Variants in ZC3H12D observed in about 807,000 individuals in gnomAD.
ZC3H12D encodes the protein zinc finger CCCH-type containing 12D.
ZC3H12D carries 11 observed loss-of-function variants against 24.2 expected under a neutral mutation model. The observed-to-expected ratio is 0.46, with a 90% confidence interval of 0.29 to 0.75. The LOEUF is 0.75. ZC3H12D is among the 30% of genes least tolerant of loss of function. The pLI, the probability that ZC3H12D is intolerant of heterozygous loss-of-function variation, is 0.11. For missense variants in ZC3H12D, 740 were observed against 767.7 expected (o/e 0.96, Z 0.43); for synonymous variants, 333 against 341.8 (o/e 0.97, Z 0.28).
In ZC3H12D at chr6:149,448,713, A is replaced by G. The variant is rs1775828127; in HGVS notation, c.*1970T>C. On this transcript the variant is annotated 3_prime_UTR_variant, in exon 6 of 6. Coordinates refer to ENST00000409806, the MANE Select transcript of ZC3H12D (RefSeq NM_207360.3). ...GTAAGGAACAGATCTGGCTCAATCCATGCTAAGAATCTGGTTTTAAAAGAT... is the reference window on the plus strand; with the variant it reads ...GTAAGGAACAGATCTGGCTCAATCCGTGCTAAGAATCTGGTTTTAAAAGAT... 6.6e-6 allele frequency: 1 copy of G among 152,262 alleles called. No homozygotes were observed. The highest frequency in any genetic ancestry group is 6.5e-5 in the Admixed American group (1 of 15,280). 9.4% of individuals were successfully genotyped at this position (152,262 alleles called of 1,614,324 possible).
At chr6:149,476,218 T>C (rs1159383959) in intron 1 of ZC3H12D, among the ~76,000 whole-genome samples, 2 of 152,142 alleles carry the variant, frequency 1.3e-5, no homozygotes, top group South Asian at 4.1e-4. Context: ...TAAAAATGCA[T>C]TTTGGGGGCC....
rs145302863 is a variant in ZC3H12D, at chr6:149,475,910, G to A, written c.-70-1297C>T. Among the ~76,000 whole-genome samples, 29 of 151,996 alleles carry A rather than the reference G, an allele frequency of 1.9e-4. 1 individual carries two copies. Among genetic ancestry groups the A allele is most frequent in the Non-Finnish European group, 1.2e-4 (8 of 68,016 alleles). ...TCTCTCTTTTCTACCCACAAAGACCGATATATTTCAAAAAAAATTTTTTTA... is the reference window on the plus strand; with the variant it reads ...TCTCTCTTTTCTACCCACAAAGACCAATATATTTCAAAAAAAATTTTTTTA... On this transcript the variant is annotated intron_variant, in intron 1 of 5. Transcript: ENST00000409806.
At chr6:149,460,324 C>A (rs148572298) in intron 3 of ZC3H12D, among the ~76,000 whole-genome samples, 1,787 of 151,386 alleles carry the variant, frequency 0.012, 42 homozygotes, top group African/African-American at 0.042. Flanking sequence ...CAAAACACTT[C>A]TGCTCCCAAG....
intron 2 of ZC3H12D, among the ~76,000 whole-genome samples, chr6:149,473,342 G>A (rs1222627826): frequency 6.6e-6 from 1 of 152,196 alleles, no homozygotes; most frequent in African/African-American, 2.4e-5. Context: ...CCTATGGTGG[G>A]AGTAACTCAG....
chr6:149,458,465 G>A (rs540980061), intron 3 of ZC3H12D, among the ~76,000 whole-genome samples: 1 of 152,136 alleles, frequency 6.6e-6, no homozygotes, highest in South Asian at 2.1e-4. Flanking sequence ...TTACACATCA[G>A]ACTTGACACA....
In ZC3H12D at chr6:149,464,623, G is replaced by T. The variant is rs975579283; in HGVS notation, c.306-2653C>A. Among the ~76,000 whole-genome samples the T allele has an allele frequency of 2.0e-5, 3 of 152,132 alleles. No homozygotes were observed. The East Asian group carries it at 5.8e-4, about 29-fold the overall frequency. On this transcript the variant is annotated intron_variant, in intron 2 of 5. Transcript: ENST00000409806. ...TGGGTCTCCCTTCTTTAAACCGTGG[G>T]CTCCTCTTGCTCACCACAGAACTCT...
At chr6:149,466,327 G>T (rs1351512383) in intron 2 of ZC3H12D, among the ~76,000 whole-genome samples, 1 of 151,370 alleles carries the variant, frequency 6.6e-6, no homozygotes, top group Non-Finnish European at 1.5e-5. Flanking sequence ...TCGCCCAGGA[G>T]ACAGAAGAAA....
rs1284941094 is a variant in ZC3H12D, at chr6:149,447,999, TA to T, written c.*2683del. 6.6e-6 allele frequency: 1 copy of T among 152,134 alleles called. No individual in the cohort carries two copies. Among genetic ancestry groups the T allele is most frequent in the African/African-American group, 2.4e-5 (1 of 41,428 alleles). 9.4% of individuals were successfully genotyped at this position (152,134 alleles called of 1,614,324 possible). ...CTTGTCAAAAGGTTAAAAATAAAAATAAAGGCCCGGGGCCAGGCGCGGTGGC... is the reference window on the plus strand; with the variant it reads ...CTTGTCAAAAGGTTAAAAATAAAAATAAGGCCCGGGGCCAGGCGCGGTGGC... On this transcript the variant is annotated 3_prime_UTR_variant, in exon 6 of 6. Coordinates refer to ENST00000409806, the MANE Select transcript of ZC3H12D (RefSeq NM_207360.3).
At chr6:149,462,577 TC>T (rs1776091269) in intron 2 of ZC3H12D, among the ~76,000 whole-genome samples, 1 of 152,210 alleles carries the variant, frequency 6.6e-6, no homozygotes, top group Non-Finnish European at 1.5e-5. Context: ...AAAGTATTGT[TC>T]CTGGGTGTGT....
At chr6:149,475,423 A>G (rs1776319690) in intron 1 of ZC3H12D, among the ~76,000 whole-genome samples, 1 of 152,200 alleles carries the variant, frequency 6.6e-6, no homozygotes, top group East Asian at 1.9e-4. Context: ...TCTGCAATAG[A>G]AGGGCCTGCC....
intron 1 of ZC3H12D, among the ~76,000 whole-genome samples, chr6:149,480,784 C>T (rs1002289364): frequency 1.3e-5 from 2 of 152,056 alleles, no homozygotes; most frequent in Non-Finnish European, 2.9e-5. Flanking sequence ...AAGGTCTTAT[C>T]TTCCTTGGAG....
Position 149,452,539 on chromosome 6 carries a change from C to T in ZC3H12D, c.787+77G>A, listed in dbSNP as rs376245833. ...CCCAGGCCGCTGAGCACCAGGCCAG[C>T]GCTTTTTGACTGTGCTCCTGTACTG... On this transcript the variant is annotated intron_variant, in intron 5 of 5. Coordinates refer to ENST00000409806, the MANE Select transcript of ZC3H12D (RefSeq NM_207360.3). This position sits in a 1 kb window ranked among gnomAD's most constrained non-coding sequence, Gnocchi z 4.0. The T allele has an allele frequency of 5.8e-4, 709 of 1,232,306 alleles. 10 individuals are homozygous for T. The East Asian group carries it at 0.016, about 28-fold the overall frequency. The allele number at this position is 1,232,306 out of a possible 1,614,324, so 76.3% of individuals were successfully genotyped here. A position where few individuals can be genotyped will look rare whatever the true frequency, so the allele number is the denominator to read the frequency against.
chr6:149,463,360 C>A (rs529942522), intron 2 of ZC3H12D, among the ~76,000 whole-genome samples: 1 of 152,262 alleles, frequency 6.6e-6, no homozygotes, highest in Admixed American at 6.5e-5. Flanking sequence ...ATTAAAAAGC[C>A]ACGGAAGGAT....
chr6:149,451,729 C>A (rs969010841), intron 5 of ZC3H12D, among the ~76,000 whole-genome samples: 1 of 152,208 alleles, frequency 6.6e-6, no homozygotes, highest in Non-Finnish European at 1.5e-5. Flanking sequence ...GCTGAGCACA[C>A]TCATCCCAGG....
Position 149,456,759 on chromosome 6 carries a change from G to C in ZC3H12D, c.587C>G (p.Ser196Cys), listed in dbSNP as rs1016523665. ...CTGCAGGTCCCGGTAGTTGTCGTTG[G>C]AGACGATGACGCCGTCCTGCTCGTA... ...VAYEQDGVIVSNDNYRDLQSE... is the reference protein window; with the variant it reads ...VAYEQDGVIVCNDNYRDLQSE... Residue 196 changes from serine (S) to cysteine (C), a missense_variant, in exon 4 of 6, where the codon TCC becomes TGC. Transcript: ENST00000409806. The surrounding 1 kb of genome is among the most constrained non-coding windows in gnomAD (Gnocchi z 4.3). 1 of 1,613,826 alleles carries C rather than the reference G, an allele frequency of 6.2e-7. No homozygotes were observed. The highest frequency in any genetic ancestry group is 8.5e-7 in the Non-Finnish European group (1 of 1,179,810).
intron 2 of ZC3H12D, among the ~76,000 whole-genome samples, chr6:149,463,753 T>G (rs1032531348): frequency 7.2e-5 from 11 of 152,108 alleles, no homozygotes; most frequent in Non-Finnish European, 1.5e-4. Flanking sequence ...GAAGAGTAGG[T>G]GAACTTGAGA....
At chr6:149,455,596 T>G (rs7774456) in intron 4 of ZC3H12D, among the ~76,000 whole-genome samples, 22,995 of 151,772 alleles carry the variant, frequency 0.15, 2,600 homozygotes, top group African/African-American at 0.32. Context: ...TGGCCCTGTG[T>G]CCCTCTCTGC....
At chr6:149,454,618 G>A (rs2789498) in intron 4 of ZC3H12D, among the ~76,000 whole-genome samples, 32,982 of 152,244 alleles carry the variant, frequency 0.22, 4,708 homozygotes, top group East Asian at 0.72. Flanking sequence ...GGACGTGCCC[G>A]GGGCACCAGG....
intron 3 of ZC3H12D, chr6:149,459,472 GT>G (rs1289922412): frequency 3.1e-6 from 2 of 652,466 alleles, no homozygotes; most frequent in Non-Finnish European, 5.6e-6. Context: ...TGTATTGATT[GT>G]GCAGCATGGA....
Sources: allele counts gnomAD v4.1 joint callset (sites outside exome capture counted in the v4.1 genomes callset), GRCh38; gene constraint gnomAD v4.1.1; non-coding constraint Gnocchi (gnomAD v3.1); transcripts MANE v1.5; gene names NCBI Gene and HGNC (gene_info 2026-07-23, HGNC 2026-07-21).